The following ARHGAP32 variants were observed in gnomAD, a reference collection of about 807,000 sequenced individuals.
The protein encoded by ARHGAP32 is Rho GTPase activating protein 32.
ARHGAP32 carries 51 observed loss-of-function variants against 186.5 expected under a neutral mutation model. The observed-to-expected ratio is 0.27, with a 90% CI of 0.22 to 0.35. The LOEUF is 0.35. Among genes scored for constraint, ARHGAP32 ranks in the 10% least tolerant of loss-of-function variants. The pLI is 1.00. For missense variants in ARHGAP32, 2,186 were observed against 2,623.5 expected (o/e 0.83, Z 3.64); for synonymous variants, 950 against 964.3 (o/e 0.99, Z 0.27).
chr11:129,028,936 C>T (rs1938979026), intron 11 of ARHGAP32, among the ~76,000 whole-genome samples: 1 of 152,038 alleles, frequency 6.6e-6, no homozygotes, highest in African/African-American at 2.4e-5. Context: ...AAGGAGATTC[C>T]AGTCAAGTAC....
chr11:129,194,023 G>A (rs560434765), upstream of ARHGAP32, among the ~76,000 whole-genome samples: 10 of 151,678 alleles, frequency 6.6e-5, no homozygotes, highest in Non-Finnish European at 1.5e-4. Flanking sequence ...TAACTTCACT[G>A]ATAACAGAAA....
At position 129,078,910 on chromosome 11, in the gene ARHGAP32, TA is replaced by T. The variant is rs1047820652; in HGVS notation, c.532-12043del. The stretch of plus-strand genomic sequence containing the variant: ...AAAATCTCCAGAGAAATAACATAAA[TA>T]AAAAAAAAAATCACAACTCCTGGAA... On this transcript the variant is annotated intron_variant, in intron 6 of 22. Coordinates refer to ENST00000682385, the MANE Select transcript of ARHGAP32 (RefSeq NM_001378024.1). Among the ~76,000 whole-genome samples the T allele has an allele frequency of 1.1e-3, 158 of 139,860 alleles. No homozygotes were observed. In the East Asian group the frequency reaches 0.012, roughly 11 times the overall value. The allele number at this position is 139,860 out of a possible 152,430, so 91.8% of individuals were successfully genotyped here.
chr11:128,986,808 T>C (rs1945886143), intron 13 of ARHGAP32, 140 bp from the exon 14 acceptor site: 1 of 784,366 alleles, frequency 1.3e-6, no homozygotes, highest in African/African-American at 1.7e-5. Context: ...TTATATTTCA[T>C]TTAAGTTGTG....
intron 5 of ARHGAP32, among the ~76,000 whole-genome samples, chr11:129,110,377 G>T (rs1022501869): frequency 6.6e-6 from 1 of 152,104 alleles, no homozygotes; most frequent in African/African-American, 2.4e-5. Flanking sequence ...GTAGTGTGAT[G>T]TCTCCAGCAT....
chr11:129,045,688 T>C (rs1411180408), intron 10 of ARHGAP32, among the ~76,000 whole-genome samples: 1 of 152,232 alleles, frequency 6.6e-6, no homozygotes, highest in Non-Finnish European at 1.5e-5. Context: ...CTATTAGCTA[T>C]GTCATCTTGT....
intron 1 of ARHGAP32, among the ~76,000 whole-genome samples, chr11:129,246,670 G>T (rs1427831855): frequency 1.3e-5 from 2 of 152,118 alleles, no homozygotes; most frequent in African/African-American, 2.4e-5. Context: ...GACTATTTTT[G>T]ACTATAGGTC....
chr11:128,989,947 T>C (rs1565360732), intron 12 of ARHGAP32, among the ~76,000 whole-genome samples: 1 of 152,188 alleles, frequency 6.6e-6, no homozygotes, highest in Non-Finnish European at 1.5e-5. Context: ...CATTTTTCTT[T>C]ATCCAGTCAG....
chr11:129,035,645 C>T (rs952346002), intron 11 of ARHGAP32, among the ~76,000 whole-genome samples: 2 of 151,430 alleles, frequency 1.3e-5, no homozygotes, highest in East Asian at 2.0e-4. Context: ...GTCAGGAGTT[C>T]GAGACCAGGT....
In ARHGAP32 at chr11:129,074,762, GATTAC is replaced by G. The variant is rs573105579; in HGVS notation, c.532-7899_532-7895del. Among the ~76,000 whole-genome samples, 284 of 152,224 alleles carry G rather than the reference GATTAC, an allele frequency of 1.9e-3. 1 individual carries two copies. Among genetic ancestry groups the G allele is most frequent in the African/African-American group, 6.4e-3 (264 of 41,532 alleles). The stretch of plus-strand genomic sequence containing the variant: ...TCGCCTTGGCCTCCCAAAGTGCTGG[GATTAC>G]AGGCATGAGCCACCACACCCGGCCT... On this transcript the variant is annotated intron_variant, in intron 6 of 22. Transcript: ENST00000682385.
upstream of ARHGAP32, among the ~76,000 whole-genome samples, chr11:129,195,275 C>T (rs1944377554): frequency 1.3e-5 from 2 of 151,900 alleles, no homozygotes; most frequent in African/African-American, 2.4e-5. Context: ...CTACTGTGCC[C>T]GGCCTCAAAG....
At chr11:129,270,162 A>G (rs1945456698) in intron 1 of ARHGAP32, among the ~76,000 whole-genome samples, 1 of 152,220 alleles carries the variant, frequency 6.6e-6, no homozygotes, top group African/African-American at 2.4e-5. Context: ...GTATATCCAG[A>G]CAATGGAATA....
intron 18 of ARHGAP32, 26 bp downstream of exon 18, chr11:128,980,527 C>G: frequency 6.4e-7 from 1 of 1,558,018 alleles, no homozygotes; most frequent in South Asian, 1.2e-5. Flanking sequence ...AAATCATATC[C>G]CAAAATAGGA....
At chr11:129,243,904 G>T (rs1401543217) in intron 1 of ARHGAP32, among the ~76,000 whole-genome samples, 1 of 152,132 alleles carries the variant, frequency 6.6e-6, no homozygotes, top group African/African-American at 2.4e-5. Context: ...TCACCATATT[G>T]TGATCTGGAA....
At chr11:129,111,393 G>A (rs1207720457) in intron 5 of ARHGAP32, among the ~76,000 whole-genome samples, 1 of 152,112 alleles carries the variant, frequency 6.6e-6, no homozygotes, top group Non-Finnish European at 1.5e-5. Flanking sequence ...GGATTTTGGT[G>A]TTATGCTAAT....
In ARHGAP32 at chr11:128,974,256, G is replaced by C. The variant is rs1945479357; in HGVS notation, c.2941C>G (p.Gln981Glu). The change falls in exon 21 of 23, where the codon CAA (glutamine) becomes GAA (glutamate). Residue 981 changes from glutamine (Q) to glutamate (E), a missense_variant. Around this residue, in one of 5 missense-constraint regions of ARHGAP32, gnomAD observed 1,502 missense variants for 1,570.0 expected, o/e 0.96. Transcript: ENST00000682385. ...TGGACTTCAGATTCATATGCTTCTT[G>C]GGCAACTGTCTCATTTGTTTTCATC... The part of the protein sequence containing the change: ...VKMKTNETVA[Q>E]EAYESEVQPL... 1 of 1,614,068 alleles carries C rather than the reference G, an allele frequency of 6.2e-7. No individual in the cohort carries two copies. The highest frequency in any genetic ancestry group is 8.5e-7 in the Non-Finnish European group (1 of 1,180,050).
chr11:128,989,351 T>C (rs1481540349), intron 12 of ARHGAP32, among the ~76,000 whole-genome samples: 1 of 152,086 alleles, frequency 6.6e-6, no homozygotes, highest in African/African-American at 2.4e-5. Flanking sequence ...TTCAGAGATA[T>C]CCTACAAGGA....
intron 1 of ARHGAP32, among the ~76,000 whole-genome samples, chr11:129,168,220 T>C (rs1565453243): frequency 6.6e-6 from 1 of 152,192 alleles, no homozygotes; most frequent in Non-Finnish European, 1.5e-5. Flanking sequence ...TACTCCAGCC[T>C]GGGTGACAGA....
chr11:129,159,526 C>T (rs941346143), intron 2 of ARHGAP32, among the ~76,000 whole-genome samples: 7 of 151,732 alleles, frequency 4.6e-5, no homozygotes, highest in Admixed American at 1.3e-4. Flanking sequence ...AGGAAGAAGT[C>T]GAATCCCTGA....
At chr11:128,975,757 T>C (rs556885198) in intron 20 of ARHGAP32, among the ~76,000 whole-genome samples, 2 of 152,252 alleles carry the variant, frequency 1.3e-5, no homozygotes, top group South Asian at 4.1e-4. Flanking sequence ...TTAATAAATA[T>C]AAATATATTG....
Sources: gnomAD v4.1 joint callset for allele counts (sites outside exome capture counted in the v4.1 genomes callset) on GRCh38, gnomAD v4.1.1 for gene constraint, gnomAD v4.1.1 regional missense constraint, MANE v1.5 for transcripts, NCBI Gene and HGNC (gene_info 2026-07-23, HGNC 2026-07-21) for gene names.